The following TTC29 variants were observed in gnomAD, a reference collection of about 807,000 sequenced individuals.
TTC29 encodes tetratricopeptide repeat protein 29.
In TTC29, 49 loss-of-function variants were observed where a neutral mutation model predicts 58.1. The observed-to-expected ratio is 0.84, with a 90% CI of 0.67 to 1.07. The LOEUF is 1.07. Ranked by LOEUF, TTC29 falls within the 50% of genes least tolerant of loss-of-function variation. The pLI is 0.00. For synonymous variants in TTC29, 209 were observed against 196.8 expected, an observed-to-expected ratio of 1.06 and a Z score of -0.52; for missense variants, 582 against 555.6, an observed-to-expected ratio of 1.05 and a Z score of -0.48.
rs1730645066 is a variant in TTC29, at chr4:146,867,567, C to T, written c.816G>A (p.Met272Ile). The T allele has an allele frequency of 1.3e-6, 2 of 1,529,232 alleles. No homozygotes were observed. The highest frequency in any genetic ancestry group is 2.6e-5 in the South Asian group (2 of 77,636). The allele number at this position is 1,529,232 out of a possible 1,614,324, so 94.7% of individuals were successfully genotyped here. ...CCAAGTAGTAAGAGGCTTCCGCTTC[C>T]ATCTTTTTGTCACTTCCTGAAGTGA... ...EIAKEGSDKKMEAEASYYLGL... is the reference protein window; with the variant it reads ...EIAKEGSDKKIEAEASYYLGL... Residue 272 changes from methionine to isoleucine, a missense_variant, in exon 8 of 13, where the codon ATG becomes ATA. Transcript: ENST00000325106.
chr4:146,943,015 T>G (rs1171165991), intron 2 of TTC29: 2 of 167,546 alleles, frequency 1.2e-5, no homozygotes, highest in Admixed American at 1.3e-4. Flanking sequence ...CCCACCAAAG[T>G]TGGCATACCA....
At chr4:146,802,257 C>G (rs974112706) in intron 11 of TTC29, among the ~76,000 whole-genome samples, 1 of 151,988 alleles carries the variant, frequency 6.6e-6, no homozygotes, top group Admixed American at 6.5e-5. Context: ...AATATGCGAA[C>G]CTGAAGGATA....
intron 4 of TTC29, among the ~76,000 whole-genome samples, chr4:146,922,012 CAAAA>C (rs34167190): frequency 1.9e-5 from 2 of 107,434 alleles, no homozygotes; most frequent in Admixed American, 1.0e-4. Flanking sequence ...GGATCCCCTA[CAAAA>C]AAAAAAAAAA....
At chr4:146,923,327 A>G (rs903962882) in intron 4 of TTC29, among the ~76,000 whole-genome samples, 1 of 151,706 alleles carries the variant, frequency 6.6e-6, no homozygotes, top group African/African-American at 2.4e-5. Context: ...AAAATCACAC[A>G]CGCGCGTGCA....
At chr4:146,709,664 A>G (rs1371927442) in intron 11 of TTC29, among the ~76,000 whole-genome samples, 2 of 152,114 alleles carry the variant, frequency 1.3e-5, no homozygotes, top group African/African-American at 4.8e-5. Flanking sequence ...TTACACTTCC[A>G]GGCCATTCTA....
At chr4:146,770,007 G>A (rs183377992) in intron 11 of TTC29, among the ~76,000 whole-genome samples, 12 of 152,078 alleles carry the variant, frequency 7.9e-5, no homozygotes, top group Admixed American at 5.2e-4. Flanking sequence ...CCGATGATTT[G>A]CTCAAGCAAG....
intron 9 of TTC29, among the ~76,000 whole-genome samples, chr4:146,828,854 A>C (rs574730618): frequency 6.6e-6 from 1 of 152,330 alleles, no homozygotes; most frequent in Non-Finnish European, 1.5e-5. Context: ...CAGCCAGCAA[A>C]CTTGTTAATG....
chr4:146,802,872 T>C (rs1025056627), intron 11 of TTC29, among the ~76,000 whole-genome samples: 1 of 152,180 alleles, frequency 6.6e-6, no homozygotes, highest in Non-Finnish European at 1.5e-5. Flanking sequence ...CCAAACCTAG[T>C]TGGCACATAA....
At chr4:146,919,492 T>C (rs1446083393) in intron 4 of TTC29, among the ~76,000 whole-genome samples, 7 of 149,796 alleles carry the variant, frequency 4.7e-5, no homozygotes, top group Non-Finnish European at 1.5e-5. Context: ...CTACAAAGAG[T>C]GGACTAAATA....
chr4:146,792,001 T>C (rs1170084178), intron 11 of TTC29, among the ~76,000 whole-genome samples: 2 of 152,130 alleles, frequency 1.3e-5, no homozygotes, highest in Admixed American at 6.5e-5. Context: ...TAGCAGAAAT[T>C]GGTTAAGAGA....
chr4:146,844,416 T>G (rs1478565836), intron 8 of TTC29, among the ~76,000 whole-genome samples: 1 of 152,198 alleles, frequency 6.6e-6, no homozygotes, highest in South Asian at 2.1e-4. Context: ...ATTCTAACTC[T>G]CAATCGTTAC....
intron 8 of TTC29, among the ~76,000 whole-genome samples, chr4:146,865,537 C>T (rs1156731816): frequency 1.3e-5 from 2 of 152,084 alleles, no homozygotes; most frequent in Admixed American, 6.6e-5. Flanking sequence ...AGAGCAATGG[C>T]TGAAAAACTA....
At chr4:146,853,768 C>T (rs1561190150) in intron 8 of TTC29, among the ~76,000 whole-genome samples, 1 of 152,120 alleles carries the variant, frequency 6.6e-6, no homozygotes, top group African/African-American at 2.4e-5. Context: ...AGGCACATTA[C>T]TTCTTTATCT....
chr4:146,877,491 A>G (rs1295788415), intron 6 of TTC29, among the ~76,000 whole-genome samples: 1 of 152,170 alleles, frequency 6.6e-6, no homozygotes, highest in Non-Finnish European at 1.5e-5. Context: ...AAACAGGCAT[A>G]GTTTTTCATC....
rs1303877041 is a variant in TTC29, at chr4:146,724,527, T to TTTTTTTTA, written c.1331-16984_1331-16977dup. 6.7e-4 allele frequency among the ~76,000 whole-genome samples: 102 copies of TTTTTTTTA among 152,200 alleles called. 2 individuals carry two copies. Among genetic ancestry groups the TTTTTTTTA allele is most frequent in the Middle Eastern group, 3.4e-3 (1 of 292 alleles). On this transcript the variant is annotated intron_variant, in intron 11 of 12. Coordinates refer to ENST00000325106, the MANE Select transcript of TTC29 (RefSeq NM_031956.4). ...ATGAGATTTTTATGTTCAACTTCTTTTTTTTTTATTTTTTTATTTTTTGAG... is the reference window on the plus strand; with the variant it reads ...ATGAGATTTTTATGTTCAACTTCTTTTTTTTTTATTTTTTTATTTTTTTATTTTTTGAG...
chr4:146,908,967 C>G (rs1418198922), intron 5 of TTC29, 59 bp downstream of exon 5: 2 of 1,421,492 alleles, frequency 1.4e-6, no homozygotes, highest in African/African-American at 1.4e-5. Context: ...CTGGAATCTT[C>G]CCCCAGGAGC....
At chr4:146,844,253 C>A (rs1421953588) in intron 8 of TTC29, among the ~76,000 whole-genome samples, 2 of 152,102 alleles carry the variant, frequency 1.3e-5, no homozygotes, top group Non-Finnish European at 2.9e-5. Flanking sequence ...GCTCTGAAAC[C>A]TCAAAGTAAT....
chr4:146,751,879 T>C (rs1746025609), intron 11 of TTC29, among the ~76,000 whole-genome samples: 1 of 151,856 alleles, frequency 6.6e-6, no homozygotes, highest in South Asian at 2.1e-4. Context: ...AATCATAAAA[T>C]GAATCAATGA....
At chr4:146,888,155 C>A (rs1732114358) in intron 6 of TTC29, among the ~76,000 whole-genome samples, 1 of 152,034 alleles carries the variant, frequency 6.6e-6, no homozygotes, top group Non-Finnish European at 1.5e-5. Flanking sequence ...GTTTTTTAAT[C>A]AAAGACACAA....
Sources: allele counts gnomAD v4.1 joint callset (sites outside exome capture counted in the v4.1 genomes callset), GRCh38; gene constraint gnomAD v4.1.1; transcripts MANE v1.5; gene names NCBI Gene and HGNC (gene_info 2026-07-23, HGNC 2026-07-21).